Variants in PLEKHA6 observed in about 807,000 individuals in gnomAD.
PLEKHA6 encodes pleckstrin homology domain-containing family A member 6.
PLEKHA6 carries 60 observed loss-of-function variants against 116.7 expected under a neutral mutation model. The ratio of observed to expected loss-of-function variants is 0.51; its 90% CI spans 0.42 to 0.64. PLEKHA6 has a LOEUF of 0.64. PLEKHA6 is among the 30% of genes least tolerant of loss of function. The pLI is 0.00. For missense variants in PLEKHA6, 1,338 were observed against 1,422.7 expected, an observed-to-expected ratio of 0.94 and a Z score of 0.96; for synonymous variants, 489 against 556.1, an observed-to-expected ratio of 0.88 and a Z score of 1.70.
intron 1 of PLEKHA6, among the ~76,000 whole-genome samples, chr1:204,311,045 A>G (rs1671639350): frequency 6.6e-6 from 1 of 152,122 alleles, no homozygotes; most frequent in Non-Finnish European, 1.5e-5. Context: ...CACATTTTGG[A>G]GGGATCTCAG....
intron 17 of PLEKHA6, 49 bp from the exon 18 acceptor site, chr1:204,230,635 C>T (rs1014412859): frequency 4.0e-6 from 6 of 1,491,304 alleles, no homozygotes; most frequent in African/African-American, 2.8e-5. Context: ...ATCCCCCACC[C>T]AGCTTTTCCA....
At chr1:204,334,236 C>G (rs1255335016) in intron 1 of PLEKHA6, among the ~76,000 whole-genome samples, 1 of 152,148 alleles carries the variant, frequency 6.6e-6, no homozygotes, top group Non-Finnish European at 1.5e-5. Context: ...TCCATCACAG[C>G]GGGAGAGCCA....
upstream of PLEKHA6, among the ~76,000 whole-genome samples, chr1:204,363,103 G>C (rs912804655): frequency 5.3e-5 from 8 of 152,342 alleles, no homozygotes; most frequent in Non-Finnish European, 1.0e-4. Context: ...TGTCCTGTCT[G>C]CCTTCTGGAG....
In PLEKHA6 at chr1:204,261,343, G is replaced by C. The variant is rs1558090959; in HGVS notation, c.487C>G (p.Pro163Ala). The C allele has an allele frequency of 1.2e-6, 2 of 1,614,152 alleles. No homozygotes were observed. Among genetic ancestry groups the C allele is most frequent in the South Asian group, 1.1e-5 (1 of 91,076 alleles). ...GCTTGGGGCACTGACTTCTGGGCTG[G>C]AGGGATCTGTACTCGAGCAGCCTCC... ...MGEAARVQIP[P>A]AQKSVPQAVR... The change falls in exon 7 of 23, where the codon CCA becomes GCA. Residue 163 changes from proline (P) to alanine (A), a missense_variant. By Grantham distance (27) the Pro-to-Ala change is conservative (BLOSUM62 -1). Transcript: ENST00000272203. This position sits in a 1 kb window ranked among gnomAD's most constrained non-coding sequence, Gnocchi z 4.0.
At chr1:204,295,217 C>T (rs1057037566) in intron 1 of PLEKHA6, among the ~76,000 whole-genome samples, 1 of 152,182 alleles carries the variant, frequency 6.6e-6, no homozygotes, top group South Asian at 2.1e-4. Flanking sequence ...AGGCCAGGCG[C>T]ATTGGCTCAT....
chr1:204,333,938 C>G (rs1224337033), intron 1 of PLEKHA6, among the ~76,000 whole-genome samples: 1 of 152,200 alleles, frequency 6.6e-6, no homozygotes, highest in Non-Finnish European at 1.5e-5. Flanking sequence ...CTTTCCTAAT[C>G]AGCCTATTTA....
At chr1:204,266,793 T>A (rs1479090118) in intron 5 of PLEKHA6, among the ~76,000 whole-genome samples, 1 of 152,136 alleles carries the variant, frequency 6.6e-6, no homozygotes, top group Non-Finnish European at 1.5e-5. Flanking sequence ...GTACCCTCTC[T>A]CCTCTCATCC....
At chr1:204,342,137 AT>A (rs1187931881) in intron 1 of PLEKHA6, among the ~76,000 whole-genome samples, 1 of 152,166 alleles carries the variant, frequency 6.6e-6, no homozygotes, top group Non-Finnish European at 1.5e-5. Context: ...GTGAGCCAAG[AT>A]TGTGCCACTG....
chr1:204,251,654 A>C (rs1558065985), intron 9 of PLEKHA6: 1 of 697,720 alleles, frequency 1.4e-6, no homozygotes. Flanking sequence ...TCCGACCTAC[A>C]TGTAGGTATC....
At chr1:204,305,719 T>C (rs574502903) in intron 1 of PLEKHA6, among the ~76,000 whole-genome samples, 1 of 152,358 alleles carries the variant, frequency 6.6e-6, no homozygotes, top group Non-Finnish European at 1.5e-5. Context: ...AAAGATGCTA[T>C]GAATTCTATT....
In PLEKHA6 at chr1:204,228,317, G is replaced by A; in HGVS notation, c.2886-89C>T. ...GCCTGCGGACTGAGGTTGGCAGGGA[G>A]GGCCAGGGCCCCGTGAATGTGCAGT... On this transcript the variant is annotated intron_variant, in intron 20 of 22. Coordinates refer to ENST00000272203, the MANE Select transcript of PLEKHA6 (RefSeq NM_014935.5). The surrounding 1 kb of genome is among the most constrained non-coding windows in gnomAD (Gnocchi z 4.0). The A allele has an allele frequency of 7.6e-7, 1 of 1,316,998 alleles. No homozygotes were observed. The highest frequency in any genetic ancestry group is 2.4e-5 in the East Asian group (1 of 42,522). 81.6% of individuals were successfully genotyped at this position (1,316,998 alleles called of 1,614,324 possible).
intron 15 of PLEKHA6, among the ~76,000 whole-genome samples, chr1:204,244,254 C>A (rs1387332601): frequency 6.6e-6 from 1 of 152,072 alleles, no homozygotes; most frequent in African/African-American, 2.4e-5. Context: ...GCCTCAGCCT[C>A]CTGAGTAGCT....
chr1:204,320,365 C>T (rs1457308388), intron 1 of PLEKHA6: 1 of 373,846 alleles, frequency 2.7e-6, no homozygotes, highest in Non-Finnish European at 3.7e-6. Context: ...GAGCTGGTGC[C>T]AGCAGGGCCC....
In PLEKHA6 at chr1:204,267,530, C is replaced by T. The variant is rs763127429; in HGVS notation, c.225G>A (p.Lys75=). 1 of 1,614,110 alleles carries T rather than the reference C, an allele frequency of 6.2e-7. No homozygotes were observed. Among genetic ancestry groups the T allele is most frequent in the South Asian group, 1.1e-5 (1 of 91,064 alleles). The part of the protein sequence containing the change: ...WLFKQASSGV[K]QWNKRWFVLV... ...GGACGAACCAGCGCTTGTTCCACTG[C>T]TTAACCCCGGAGCTGGCCTGCGGGA... The change falls in exon 5 of 23, where the codon AAG becomes AAA. Residue 75 remains lysine, a synonymous_variant. Transcript: ENST00000272203.
chr1:204,274,975 G>A (rs1452680244), intron 1 of PLEKHA6, 166 bp from the exon 2 acceptor site: 2 of 853,288 alleles, frequency 2.3e-6, no homozygotes, highest in Non-Finnish European at 1.4e-6. Context: ...ACATCTGGAT[G>A]AGGGTGGGGG....
chr1:204,342,471 C>T (rs1201532808), intron 1 of PLEKHA6, among the ~76,000 whole-genome samples: 2 of 152,224 alleles, frequency 1.3e-5, no homozygotes, highest in Admixed American at 6.5e-5. Flanking sequence ...TCTTGCTTTC[C>T]GCATTCCTAC....
At chr1:204,270,552 T>C (rs1035177395) in intron 3 of PLEKHA6, among the ~76,000 whole-genome samples, 1 of 152,224 alleles carries the variant, frequency 6.6e-6, no homozygotes, top group East Asian at 1.9e-4. Flanking sequence ...GGTCCCTCAT[T>C]CCTCTGTTCC....
intron 1 of PLEKHA6, among the ~76,000 whole-genome samples, chr1:204,347,782 C>T (rs571568576): frequency 6.6e-6 from 1 of 152,210 alleles, no homozygotes; most frequent in East Asian, 1.9e-4. Flanking sequence ...CAAAAGGTCA[C>T]CCTGGACAAG....
Position 204,244,900 on chromosome 1 carries a change from GC to G in PLEKHA6, c.2135del (p.Gly712AlafsTer46), listed in dbSNP as rs1200793536. ...SPLSPFSLVS[G>X]SQGSPTKPGS... ...CAGGCTTGGTGGGGGACCCCTGAGA[GC>G]CCGACACCAGTGAAAAGGGGCTCAG... On this transcript the variant is annotated frameshift_variant, in exon 15 of 23. Coordinates refer to ENST00000272203, the MANE Select transcript of PLEKHA6 (RefSeq NM_014935.5). LOFTEE classifies it high-confidence loss of function. 15 of 1,557,172 alleles carry G rather than the reference GC, an allele frequency of 9.6e-6. No individual in the cohort carries two copies. The highest frequency in any genetic ancestry group is 1.2e-5 in the Non-Finnish European group (14 of 1,150,000).
Sources: allele counts gnomAD v4.1 joint callset (sites outside exome capture counted in the v4.1 genomes callset), GRCh38; gene constraint gnomAD v4.1.1; non-coding constraint Gnocchi (gnomAD v3.1); transcripts MANE v1.5; gene names NCBI Gene and HGNC (gene_info 2026-07-23, HGNC 2026-07-21).